RYR3: variants seen among roughly 807,000 people sequenced by gnomAD.
RYR3 encodes brain ryanodine receptor-calcium release channel.
Under a neutral mutation model 584.3 loss-of-function variants are expected in RYR3, and 207 were observed. That is an observed-to-expected ratio of 0.35 (90% confidence interval 0.32 to 0.40). The LOEUF is 0.40. Ranked by LOEUF, RYR3 falls within the 10% of genes least tolerant of loss-of-function variation. The pLI is 1.00. For synonymous variants in RYR3, 2,416 were observed against 2,248.5 expected (o/e 1.07, Z -2.11); for missense variants, 5,616 against 6,089.2 (o/e 0.92, Z 2.59).
At position 33,838,604 on chromosome 15, in the gene RYR3, G is replaced by A. The variant is rs776506607; in HGVS notation, c.12624G>A (p.Gln4208=). 4 of 1,613,802 alleles carry A rather than the reference G, an allele frequency of 2.5e-6. No individual in the cohort carries two copies. In the African/African-American group the frequency reaches 5.3e-5, roughly 22 times the overall value. The change falls in exon 89 of 104, where the codon CAG becomes CAA. Residue 4208 remains glutamine, a synonymous_variant. Coordinates refer to ENST00000634891, the MANE Select transcript of RYR3 (RefSeq NM_001036.6). ...TCACCATCCTGGGAGGAATCTTTCA[G>A]ATCCTCTGGAGCACAGTGTTTGGAG... is the stretch of plus-strand genomic sequence containing the variant. ...LLFTILGGIF[Q]ILWSTVFGGG...
Position 33,837,919 on chromosome 15 carries a change from T to C in RYR3, c.11939T>C (p.Val3980Ala), listed in dbSNP as rs1190747249. 6.2e-7 allele frequency: 1 copy of C among 1,614,044 alleles called. No homozygotes were observed. Among genetic ancestry groups the C allele is most frequent in the Non-Finnish European group, 8.5e-7 (1 of 1,179,896 alleles). ...GACATGTTTAATTACGTTGATTTTG[T>C]AGACCGGTTCCATGAGCCAGCCAAG... ...ENDMFNYVDF[V>A]DRFHEPAKDI... Residue 3980 changes from valine to alanine, a missense_variant, in exon 89 of 104, where the codon GTA (valine) becomes GCA (alanine). Val to Ala is a moderately conservative substitution (Grantham distance 64). Transcript: ENST00000634891.
chr15:33,432,624 C>T (rs1174901161), intron 1 of RYR3, among the ~76,000 whole-genome samples: 7 of 131,596 alleles, frequency 5.3e-5, no homozygotes, highest in South Asian at 2.4e-4. Flanking sequence ...TTTTTTGAGA[C>T]GGAGTAGCTG....
chr15:33,595,884 T>C (rs1188583354), intron 16 of RYR3, among the ~76,000 whole-genome samples: 3 of 152,088 alleles, frequency 2.0e-5, no homozygotes, highest in African/African-American at 7.2e-5. Flanking sequence ...GACAACTTGA[T>C]TGTGTGAATT....
intron 10 of RYR3, among the ~76,000 whole-genome samples, chr15:33,557,485 A>G (rs2057143147): frequency 6.6e-6 from 1 of 152,144 alleles, no homozygotes; most frequent in East Asian, 1.9e-4. Context: ...CCCTGGTTCA[A>G]GCAATTCTTC....
intron 9 of RYR3, among the ~76,000 whole-genome samples, chr15:33,549,128 G>A (rs561808466): frequency 1.1e-4 from 16 of 152,080 alleles, no homozygotes; most frequent in African/African-American, 2.7e-4. Context: ...TTTAAGGAGC[G>A]TGCACTTACT....
intron 72 of RYR3, among the ~76,000 whole-genome samples, chr15:33,811,275 G>A (rs553972957): frequency 1.2e-3 from 188 of 152,230 alleles, no homozygotes; most frequent in African/African-American, 4.1e-3. Flanking sequence ...GGAGGCCGAG[G>A]TGGGCGGATC....
At chr15:33,401,994 T>C (rs996335016) in intron 1 of RYR3, among the ~76,000 whole-genome samples, 1 of 152,198 alleles carries the variant, frequency 6.6e-6, no homozygotes, top group Non-Finnish European at 1.5e-5. Flanking sequence ...CACAAAGTAG[T>C]AGACTGAGAA....
intron 3 of RYR3, among the ~76,000 whole-genome samples, chr15:33,505,741 C>T (rs935117062): frequency 2.6e-5 from 4 of 152,178 alleles, no homozygotes; most frequent in African/African-American, 9.7e-5. Context: ...ATCTGCCCAC[C>T]TTGGCCTTCC....
rs763770937 is a variant in RYR3 at position 33,659,702 on chromosome 15, A to G, written c.4309-18A>G. The G allele has an allele frequency of 1.1e-5, 18 of 1,567,012 alleles. No homozygotes were observed. The highest frequency in any genetic ancestry group is 8.8e-7 in the Non-Finnish European group (1 of 1,137,578). On this transcript the variant is annotated intron_variant, in intron 32 of 103. Coordinates refer to ENST00000634891, the MANE Select transcript of RYR3 (RefSeq NM_001036.6). ...TGTCCAGCTCTGGGCAAAGCTTTCG[A>G]TTTGTTTTGATTTCCAGGTGGAGCC...
rs1440811486 is a variant in RYR3 at position 33,780,294 on chromosome 15, A to G, written c.9221A>G (p.Tyr3074Cys). 1 of 1,613,880 alleles carries G rather than the reference A, an allele frequency of 6.2e-7. No homozygotes were observed. The highest frequency in any genetic ancestry group is 8.5e-7 in the Non-Finnish European group (1 of 1,179,824). Reference sequence around the variant, plus strand: ...TTCCTGGAGCCCACCCTTAATCGCTACAATCCACTCTCGGTCTTCAACACC... The same window carrying G: ...TTCCTGGAGCCCACCCTTAATCGCTGCAATCCACTCTCGGTCTTCAACACC... The part of the protein sequence containing the change: ...VAFLEPTLNR[Y>C]NPLSVFNTKT... The change falls in exon 65 of 104, where the codon TAC becomes TGC. Residue 3074 changes from tyrosine (Y) to cysteine (C), a missense_variant. Coordinates refer to ENST00000634891, the MANE Select transcript of RYR3 (RefSeq NM_001036.6).
intron 42 of RYR3, among the ~76,000 whole-genome samples, chr15:33,702,862 T>A (rs1211333900): frequency 6.6e-6 from 1 of 152,070 alleles, no homozygotes; most frequent in Non-Finnish European, 1.5e-5. Flanking sequence ...GCAAATCTAG[T>A]ATCTGAGAAG....
chr15:33,788,490 C>A (rs1409220977), intron 67 of RYR3, 32 bp downstream of exon 67: 9 of 1,604,692 alleles, frequency 5.6e-6, no homozygotes, highest in Non-Finnish European at 7.7e-6. Flanking sequence ...GCCTGTCTGC[C>A]CCTCTGTGGG....
At chr15:33,676,876 T>C (rs1566934057) in intron 38 of RYR3, among the ~76,000 whole-genome samples, 1 of 152,168 alleles carries the variant, frequency 6.6e-6, no homozygotes, top group East Asian at 1.9e-4. Flanking sequence ...GAATCAATCA[T>C]TGTCAGGCCC....
In RYR3 at chr15:33,465,256, T is replaced by TAC. The variant is rs75297800; in HGVS notation, c.52-8159_52-8158dup. On this transcript the variant is annotated intron_variant, in intron 1 of 103. Coordinates refer to ENST00000634891, the MANE Select transcript of RYR3 (RefSeq NM_001036.6). ...CACATTTTCTTTGGAGATATATATA[T>TAC]ACACATATCTGTATATCTATATCTA... Among the ~76,000 whole-genome samples the TAC allele has an allele frequency of 7.2e-5, 11 of 152,244 alleles. No individual in the cohort carries two copies. In the East Asian group the frequency reaches 9.7e-4, roughly 13 times the overall value.
At chr15:33,455,196 C>T (rs571090274) in intron 1 of RYR3, among the ~76,000 whole-genome samples, 2 of 152,088 alleles carry the variant, frequency 1.3e-5, no homozygotes, top group South Asian at 4.1e-4. Flanking sequence ...TGTCACCGTG[C>T]AGGGAGGGCA....
chr15:33,851,355 C>T (rs2079099573), intron 94 of RYR3: 2 of 151,866 alleles, frequency 1.3e-5, no homozygotes, highest in South Asian at 4.2e-4. Context: ...TGCTTATTTG[C>T]TGGCACTTAT....
At chr15:33,777,475 CT>C (rs956962220) in intron 64 of RYR3, among the ~76,000 whole-genome samples, 20 of 150,148 alleles carry the variant, frequency 1.3e-4, no homozygotes, top group South Asian at 2.1e-4. Flanking sequence ...CTCAGTTTTA[CT>C]TTTTTTTTTC....
chr15:33,634,534 G>A (rs887276605), intron 24 of RYR3, 52 bp from the exon 25 acceptor site: 5 of 1,595,680 alleles, frequency 3.1e-6, no homozygotes, highest in Non-Finnish European at 4.3e-6. Context: ...AGGGTGAGCT[G>A]TGGTGAAGGT....
intron 1 of RYR3, among the ~76,000 whole-genome samples, chr15:33,435,374 A>G (rs1435147944): frequency 6.6e-6 from 1 of 152,164 alleles, no homozygotes. Context: ...GGTTCTCATC[A>G]ATTTTCAGCT....
Sources: gnomAD v4.1 joint callset for allele counts (sites outside exome capture counted in the v4.1 genomes callset) on GRCh38, gnomAD v4.1.1 for gene constraint, MANE v1.5 for transcripts, NCBI Gene and HGNC (gene_info 2026-07-23, HGNC 2026-07-21) for gene names.